Variants in PYM1 observed in about 807,000 individuals in gnomAD.
PYM1 encodes partner of Y14 and mago.
In PYM1, 7 loss-of-function variants were observed where a neutral mutation model predicts 20.7. The ratio of observed to expected loss-of-function variants is 0.34; its 90% CI spans 0.19 to 0.64. The LOEUF (loss-of-function observed/expected upper bound fraction) is 0.64, where lower values mean the gene tolerates loss of function less well. PYM1 is among the 30% of genes least tolerant of loss of function. The pLI is 0.74. For missense variants in PYM1, 194 were observed against 250.0 expected (o/e 0.78, Z 1.51); for synonymous variants, 100 against 99.2 (o/e 1.01, Z -0.05).
At position 55,901,658 on chromosome 12, in the gene PYM1, G is replaced by C; in HGVS notation, c.*214C>G. 1 of 609,166 alleles carries C rather than the reference G, an allele frequency of 1.6e-6. No individual in the cohort carries two copies. The allele number at this position is 609,166 out of a possible 1,614,324, so 37.7% of individuals were successfully genotyped here. A position where few individuals can be genotyped will look rare whatever the true frequency, so the allele number is the denominator to read the frequency against. ...GTAGTCACTGAGATTTTGAACACTG[G>C]GAATGGGAGGGGGAAAGTCCAAAAA... On this transcript the variant is annotated 3_prime_UTR_variant, in exon 3 of 3. Transcript: ENST00000408946.
chr12:55,918,190 C>T (rs1241682399), intron 1 of PYM1, among the ~76,000 whole-genome samples: 3 of 151,624 alleles, frequency 2.0e-5, no homozygotes, highest in African/African-American at 4.8e-5. Flanking sequence ...CTCCGCCTCC[C>T]GGGTTCACGC....
Position 55,902,309 on chromosome 12 carries a change from G to C in PYM1, c.178C>G (p.Pro60Ala). The change falls in exon 3 of 3, where the codon CCC becomes GCC. Residue 60 changes from proline (P) to alanine (A), a missense_variant. By Grantham distance (27) the Pro-to-Ala change is conservative. This residue lies in a region of PYM1 where 158 missense variants were observed against 179.0 expected (regional missense o/e 0.88). Coordinates refer to ENST00000408946, the MANE Select transcript of PYM1 (RefSeq NM_032345.3). The stretch of plus-strand genomic sequence containing the variant: ...GTGGCCTCAGGGCTTAGCCCTGGGG[G>C]CAACTCTGGTTTACTCTTGAAAAAC... ...VKFFKSKPEL[P>A]PGLSPEATAP... 6.2e-7 allele frequency: 1 copy of C among 1,613,782 alleles called. No homozygotes were observed. The highest frequency in any genetic ancestry group is 8.5e-7 in the Non-Finnish European group (1 of 1,179,852).
intron 2 of PYM1, 85 bp downstream of exon 2, chr12:55,903,302 C>A: frequency 8.2e-7 from 1 of 1,224,366 alleles, no homozygotes; most frequent in South Asian, 1.3e-5. Context: ...TAGGAGAGTC[C>A]TCCCTGAACT....
chr12:55,902,971 C>CG (rs1421106789), intron 2 of PYM1, among the ~76,000 whole-genome samples: 1 of 151,932 alleles, frequency 6.6e-6, no homozygotes, highest in East Asian at 1.9e-4. Context: ...TTAGTACAGA[C>CG]GGGGTTTCAC....
At chr12:55,909,256 G>C (rs1164560344) in intron 1 of PYM1, among the ~76,000 whole-genome samples, 1 of 152,098 alleles carries the variant, frequency 6.6e-6, no homozygotes, top group East Asian at 1.9e-4. Context: ...TGAAGGAAGA[G>C]TCAAACTAAA....
chr12:55,913,261 G>C (rs1882955763), intron 1 of PYM1, among the ~76,000 whole-genome samples: 1 of 152,196 alleles, frequency 6.6e-6, no homozygotes, highest in Non-Finnish European at 1.5e-5. Flanking sequence ...TTGGAAAGCA[G>C]AAACTGTCTT....
intron 1 of PYM1, among the ~76,000 whole-genome samples, chr12:55,907,341 G>C (rs1329372816): frequency 2.7e-5 from 4 of 150,810 alleles, no homozygotes; most frequent in African/African-American, 9.8e-5. Context: ...GCTCACACCT[G>C]TAATCCCAGC....
chr12:55,927,800 T>C lies in PYM1; in HGVS notation c.-39A>G, dbSNP rs773532361. ...GCGGACCAGGTTGGGCGGGCGGCCC[T>C]GGCCTGGCTCTGCCCCGCTGGGCGG... On this transcript the variant is annotated 5_prime_UTR_variant, in exon 1 of 3. Transcript: ENST00000408946. 4.6e-6 allele frequency: 7 copies of C among 1,534,340 alleles called. No individual in the cohort carries two copies. The East Asian group carries it at 1.5e-4, about 32-fold the overall frequency.
At chr12:55,904,590 C>A (rs1882755734) in intron 1 of PYM1, among the ~76,000 whole-genome samples, 2 of 102,256 alleles carry the variant, frequency 2.0e-5, no homozygotes, top group East Asian at 5.5e-4. Context: ...AGTGAGACTC[C>A]ATCTCAAAAA....
chr12:55,927,210 T>A (rs1313271788), intron 1 of PYM1: 2 of 1,501,774 alleles, frequency 1.3e-6, no homozygotes, highest in Non-Finnish European at 1.8e-6. Context: ...ATCTTAGTCT[T>A]AAAGGGAGAG....
intron 1 of PYM1, among the ~76,000 whole-genome samples, chr12:55,920,178 G>A (rs1883074261): frequency 6.6e-6 from 1 of 151,662 alleles, no homozygotes; most frequent in African/African-American, 2.4e-5. Flanking sequence ...CACTAACCTG[G>A]GCAACAGAGC....
At chr12:55,917,264 A>T (rs541042670) in intron 1 of PYM1, among the ~76,000 whole-genome samples, 2 of 151,328 alleles carry the variant, frequency 1.3e-5, no homozygotes, top group African/African-American at 4.9e-5. Context: ...TACTAAAAAT[A>T]AAAAAAATTA....
At chr12:55,903,592 GCAAC>G in intron 1 of PYM1, 112 bp from the exon 2 acceptor site, 1 of 945,462 alleles carries the variant, frequency 1.1e-6, no homozygotes, top group Non-Finnish European at 1.6e-6. Context: ...TCATCCAAAT[GCAAC>G]CATTAGGCTC....
At chr12:55,923,773 T>A (rs1465379707) in intron 1 of PYM1, among the ~76,000 whole-genome samples, 3 of 151,658 alleles carry the variant, frequency 2.0e-5, no homozygotes, top group Non-Finnish European at 4.4e-5. Context: ...ATCAAGTATA[T>A]TTAGAATATT....
intron 1 of PYM1, among the ~76,000 whole-genome samples, chr12:55,904,921 C>T (rs1882765669): frequency 6.6e-6 from 1 of 151,870 alleles, no homozygotes; most frequent in South Asian, 2.1e-4. Context: ...AGTAGTGGTC[C>T]TCTAACTTTT....
chr12:55,902,974 G>A (rs1186082863), intron 2 of PYM1, among the ~76,000 whole-genome samples: 1 of 151,972 alleles, frequency 6.6e-6, no homozygotes, highest in Non-Finnish European at 1.5e-5. Flanking sequence ...GTACAGACGG[G>A]GTTTCACCAC....
At chr12:55,902,476 T>C in intron 2 of PYM1, 121 bp from the exon 3 acceptor site, 1 of 1,395,570 alleles carries the variant, frequency 7.2e-7, no homozygotes, top group Non-Finnish European at 9.5e-7. Context: ...TTGTTGTTTT[T>C]GTGGGGTTGT....
At chr12:55,924,174 T>C (rs1025366375) in intron 1 of PYM1, among the ~76,000 whole-genome samples, 1 of 151,680 alleles carries the variant, frequency 6.6e-6, no homozygotes, top group African/African-American at 2.4e-5. Context: ...CTGATACTGG[T>C]TTTGGTCAGG....
intron 1 of PYM1, among the ~76,000 whole-genome samples, chr12:55,907,938 AAAAAAAT>A (rs965402014): frequency 3.3e-5 from 5 of 151,916 alleles, no homozygotes; most frequent in African/African-American, 7.2e-5. Flanking sequence ...ACTCCGTCTC[AAAAAAAT>A]AAAAAATAAA....
Sources: allele counts gnomAD v4.1 joint callset (sites outside exome capture counted in the v4.1 genomes callset), GRCh38; gene constraint gnomAD v4.1.1; regional missense constraint gnomAD v4.1.1; transcripts MANE v1.5; gene names NCBI Gene and HGNC (gene_info 2026-07-23, HGNC 2026-07-21).